Variants in DNAH3 observed in about 807,000 individuals in gnomAD.
The protein encoded by DNAH3 is axonemal beta dynein heavy chain 3.
Under a neutral mutation model 432.5 loss-of-function variants are expected in DNAH3, and 332 were observed. The ratio of observed to expected loss-of-function variants is 0.77; its 90% CI spans 0.70 to 0.84. The LOEUF (loss-of-function observed/expected upper bound fraction) is 0.84. Among genes scored for constraint, DNAH3 ranks in the 40% least tolerant of loss-of-function variants. The probability of loss-of-function intolerance (pLI) is 0.00; values close to 1 mark genes in which losing one functional copy is unlikely to be tolerated. For missense variants in DNAH3, 4,861 were observed against 5,114.0 expected (o/e 0.95, Z 1.51); for synonymous variants, 1,956 against 1,900.2 (o/e 1.03, Z -0.76).
chr16:20,964,668 T>C (rs755553915), exon 53 of DNAH3: 3 of 1,614,076 alleles, frequency 1.9e-6, no homozygotes, highest in Admixed American at 1.7e-5. Context: ...TGGAATTGGA[T>C]ACAATGATGC....
chr16:21,048,260 C>T (rs1163672718), intron 31 of DNAH3, among the ~76,000 whole-genome samples: 1 of 152,196 alleles, frequency 6.6e-6, no homozygotes, highest in African/African-American at 2.4e-5. Context: ...CAATGGCGGG[C>T]GCCCCTCCCC....
intron 27 of DNAH3, among the ~76,000 whole-genome samples, chr16:21,056,375 T>C (rs536984853): frequency 1.5e-4 from 21 of 139,444 alleles, no homozygotes; most frequent in African/African-American, 5.2e-4. Context: ...TCCTTCTTTT[T>C]TCCTCCCTCC....
chr16:20,974,878 G>C (rs560024518), intron 51 of DNAH3, among the ~76,000 whole-genome samples: 1 of 151,474 alleles, frequency 6.6e-6, no homozygotes, highest in Non-Finnish European at 1.5e-5. Context: ...GAGTGCAGTG[G>C]TGCAATCTCA....
exon 53 of DNAH3, chr16:20,964,091 A>C: frequency 6.2e-7 from 1 of 1,614,186 alleles, no homozygotes; most frequent in South Asian, 1.1e-5. Flanking sequence ...ACTTTGGAGG[A>C]GGACAGAACT....
chr16:20,956,114 G>C (rs1420546724), intron 54 of DNAH3, among the ~76,000 whole-genome samples: 1 of 151,946 alleles, frequency 6.6e-6, no homozygotes, highest in Non-Finnish European at 1.5e-5. Flanking sequence ...TTTTAGTAGA[G>C]ACAGGGTTTC....
At chr16:21,105,156 G>C (rs1597385565) in intron 15 of DNAH3, among the ~76,000 whole-genome samples, 1 of 152,112 alleles carries the variant, frequency 6.6e-6, no homozygotes, top group Non-Finnish European at 1.5e-5. Context: ...GTATCCAGGG[G>C]TCGAGGGCAC....
chr16:21,141,356 T>TGA lies in DNAH3; in HGVS notation c.463_464dup (p.Glu156GlnfsTer4). 1 of 1,589,916 alleles carries TGA rather than the reference T, an allele frequency of 6.3e-7. No homozygotes were observed. The highest frequency in any genetic ancestry group is 2.3e-5 in the East Asian group (1 of 44,300). ...ACTTCGTTTTTTTCCTCATGGGCTC[T>TGA]GATGAGCTTCTATTTCCTGGAAGAA... On this transcript the variant is annotated frameshift_variant, in exon 4 of 62. Coordinates refer to ENST00000261383, the Ensembl canonical transcript of DNAH3. LOFTEE classifies it high-confidence loss of function.
chr16:21,091,747 T>C (rs1567776759), intron 18 of DNAH3, among the ~76,000 whole-genome samples: 1 of 151,312 alleles, frequency 6.6e-6, no homozygotes, highest in Non-Finnish European at 1.5e-5. Context: ...ACCCAGGAGG[T>C]GGAGGTTGTA....
rs751021000 is a variant in DNAH3, at chr16:20,966,553, AATT to A, written c.8459-1131_8459-1129del. ...CACTTATTGCAACCTGTAAGTTTTC[AATT>A]ATTATCTACCATCTACCTTTCCCTC... On this transcript the variant is annotated intron_variant, in intron 52 of 61. Transcript: ENST00000261383. Among the ~76,000 whole-genome samples the A allele has an allele frequency of 7.0e-4, 107 of 152,256 alleles. 1 individual carries two copies. Among genetic ancestry groups the A allele is most frequent in the Admixed American group, 1.6e-3 (25 of 15,282 alleles).
In DNAH3 at chr16:20,963,855, A is replaced by T. The variant is rs1446690049; in HGVS notation, c.10029T>A (p.Asn3343Lys). The T allele has an allele frequency of 8.7e-6, 14 of 1,613,972 alleles. No individual in the cohort carries two copies. Among genetic ancestry groups the T allele is most frequent in the Non-Finnish European group, 1.1e-5 (13 of 1,180,028 alleles). Residue 3343 changes from asparagine to lysine, a missense_variant, in exon 53 of 62, where the codon AAT becomes AAA. Asn to Lys is a moderately conservative substitution (Grantham distance 94). Transcript: ENST00000261383. Reference sequence around the variant, plus strand: ...GGTCAATGATGTACTTGATGCGCAGATTCAGTTCCTCGCTCTTCGTGCTGT... The same window carrying T: ...GGTCAATGATGTACTTGATGCGCAGTTTCAGTTCCTCGCTCTTCGTGCTGT...
At chr16:20,974,781 C>A (rs2085506007) in intron 51 of DNAH3, among the ~76,000 whole-genome samples, 1 of 151,290 alleles carries the variant, frequency 6.6e-6, no homozygotes, top group African/African-American at 2.4e-5. Flanking sequence ...TCCTTCATCA[C>A]TTATCAGCTA....
intron 17 of DNAH3, among the ~76,000 whole-genome samples, chr16:21,097,791 A>G (rs1037585431): frequency 2.0e-5 from 3 of 152,148 alleles, no homozygotes; most frequent in Non-Finnish European, 2.9e-5. Flanking sequence ...CATAATTTTC[A>G]TATGTACTTT....
chr16:20,985,257 C>G, exon 48 of DNAH3: 3 of 1,614,192 alleles, frequency 1.9e-6, no homozygotes, highest in Middle Eastern at 1.6e-4. Flanking sequence ...CATCCTTGAT[C>G]TGGTTGTCGG....
chr16:20,966,515 A>C (rs1181220354), intron 52 of DNAH3, among the ~76,000 whole-genome samples: 1 of 152,162 alleles, frequency 6.6e-6, no homozygotes, highest in African/African-American at 2.4e-5. Context: ...TAGAAAGTCC[A>C]TTCCCTTTAT....
At chr16:20,935,385 T>C in exon 61 of DNAH3, 1 of 1,614,016 alleles carries the variant, frequency 6.2e-7, no homozygotes, top group East Asian at 2.2e-5. Context: ...GGGGATGGTA[T>C]ATTTCCGGGC....
At chr16:20,988,395 TATATC>T (rs1157968572) in intron 44 of DNAH3, among the ~76,000 whole-genome samples, 3 of 152,296 alleles carry the variant, frequency 2.0e-5, no homozygotes, top group African/African-American at 7.2e-5. Context: ...TGCTCATTAT[TATATC>T]ATATCATGTT....
At chr16:20,955,112 AG>A (rs1242389362) in intron 54 of DNAH3, 55 bp from the exon 55 acceptor site, 14 of 1,497,694 alleles carry the variant, frequency 9.3e-6, no homozygotes, top group African/African-American at 2.8e-5. Context: ...TATAGTGAAA[AG>A]CAACAACAAA....
intron 49 of DNAH3, among the ~76,000 whole-genome samples, chr16:20,980,275 C>CATCATATATTATAATATAA (rs2085820503): frequency 1.5e-5 from 2 of 131,990 alleles, no homozygotes; most frequent in Admixed American, 1.6e-4. Flanking sequence ...TTATAATATA[C>CATCATATATTATAATATAA]ATCATATATT....
intron 41 of DNAH3, among the ~76,000 whole-genome samples, chr16:21,010,989 A>C (rs918869584): frequency 2.0e-5 from 3 of 151,778 alleles, no homozygotes; most frequent in Non-Finnish European, 4.4e-5. Context: ...GCAGGACACG[A>C]TGAAAATCAT....
Sources: allele counts gnomAD v4.1 joint callset (sites outside exome capture counted in the v4.1 genomes callset), GRCh38; gene constraint gnomAD v4.1.1; transcripts MANE v1.5; gene names NCBI Gene and HGNC (gene_info 2026-07-23, HGNC 2026-07-21).